Variants in DOK5 observed in about 807,000 individuals in gnomAD.
DOK5 encodes downstream of tyrosine kinase 5.
A neutral mutation model predicts 43.3 loss-of-function variants in DOK5; 27 were observed. That is an observed-to-expected ratio of 0.62 (90% CI 0.46 to 0.86). The LOEUF is 0.86. DOK5 is among the 40% of genes least tolerant of loss of function. DOK5 has a pLI of 0.00. For synonymous variants in DOK5, 146 were observed against 140.1 expected (o/e 1.04, Z -0.30); for missense variants, 373 against 392.9 (o/e 0.95, Z 0.43).
intron 6 of DOK5, among the ~76,000 whole-genome samples, chr20:54,641,586 TCTCCA>T (rs1257102518): frequency 9.2e-5 from 14 of 151,422 alleles, no homozygotes; most frequent in African/African-American, 3.4e-4. Flanking sequence ...ATCATCTCCA[TCTCCA>T]TTTTTCCCCT....
chr20:54,617,905 T>A (rs190560553), intron 6 of DOK5, among the ~76,000 whole-genome samples: 63 of 152,366 alleles, frequency 4.1e-4, no homozygotes, highest in African/African-American at 1.5e-3. Context: ...TCAGGCCTCC[T>A]ACAATATAGC....
chr20:54,623,220 C>T (rs1987039629), intron 6 of DOK5, among the ~76,000 whole-genome samples: 1 of 152,118 alleles, frequency 6.6e-6, no homozygotes, highest in East Asian at 1.9e-4. Context: ...GGATAGAGGC[C>T]AGGAGTGCTG....
At chr20:54,535,342 C>T (rs1983926117) in intron 1 of DOK5, among the ~76,000 whole-genome samples, 1 of 151,846 alleles carries the variant, frequency 6.6e-6, no homozygotes, top group Non-Finnish European at 1.5e-5. Flanking sequence ...ATTTCTCTTC[C>T]CTTCTTTGAG....
At chr20:54,612,890 T>C (rs142099935) in intron 6 of DOK5, among the ~76,000 whole-genome samples, 32 of 152,326 alleles carry the variant, frequency 2.1e-4, no homozygotes, top group African/African-American at 7.7e-4. Context: ...AGAACAAAGT[T>C]CTTGATATCC....
At chr20:54,542,665 C>A (rs1984205895) in intron 1 of DOK5, among the ~76,000 whole-genome samples, 1 of 152,104 alleles carries the variant, frequency 6.6e-6, no homozygotes, top group South Asian at 2.1e-4. Flanking sequence ...ACGAAAAACA[C>A]ATACTACAGG....
chr20:54,485,402 A>G (rs1437741467), intron 1 of DOK5, among the ~76,000 whole-genome samples: 1 of 151,924 alleles, frequency 6.6e-6, no homozygotes, highest in Non-Finnish European at 1.5e-5. Flanking sequence ...TACAGTATGT[A>G]ATGTTTGGGG....
intron 6 of DOK5, among the ~76,000 whole-genome samples, chr20:54,637,149 T>C (rs1317012400): frequency 1.3e-5 from 2 of 151,700 alleles, no homozygotes; most frequent in East Asian, 3.8e-4. Flanking sequence ...CTTCTGCTTC[T>C]ACATTGTAAC....
At chr20:54,492,366 C>T (rs912777602) in intron 1 of DOK5, among the ~76,000 whole-genome samples, 15 of 151,990 alleles carry the variant, frequency 9.9e-5, no homozygotes, top group Admixed American at 2.6e-4. Context: ...TCCCTTTTAA[C>T]GTATGTTGAA....
chr20:54,518,081 T>A (rs796667241), intron 1 of DOK5, among the ~76,000 whole-genome samples: 1 of 152,192 alleles, frequency 6.6e-6, no homozygotes, highest in African/African-American at 2.4e-5. Flanking sequence ...CATAGCATTC[T>A]CAGTTGCCCC....
chr20:54,519,086 G>A (rs188135079), intron 1 of DOK5, among the ~76,000 whole-genome samples: 265 of 152,272 alleles, frequency 1.7e-3, no homozygotes, highest in African/African-American at 6.1e-3. Flanking sequence ...AGAAATAGGA[G>A]CACTTTTACA....
In DOK5 at chr20:54,615,347, G is replaced by A. The variant is rs1212638553; in HGVS notation, c.735+4824G>A. 2.0e-5 allele frequency among the ~76,000 whole-genome samples: 3 copies of A among 152,124 alleles called. No homozygotes were observed. In the South Asian group the frequency reaches 6.2e-4, roughly 32 times the overall value. On this transcript the variant is annotated intron_variant, in intron 6 of 7. Transcript: ENST00000262593. ...GCAGTCTGTGAATGTTACCTTACAA[G>A]GCAAAAGGGACTTTGCAGGTGTGAT...
chr20:54,484,698 C>T (rs1452700480), intron 1 of DOK5, among the ~76,000 whole-genome samples: 3 of 152,146 alleles, frequency 2.0e-5, no homozygotes, highest in Admixed American at 6.6e-5. Flanking sequence ...TTCCTTTTGT[C>T]ATTTTGTCAT....
At chr20:54,526,743 G>A (rs1380485174) in intron 1 of DOK5, among the ~76,000 whole-genome samples, 1 of 152,010 alleles carries the variant, frequency 6.6e-6, no homozygotes, top group African/African-American at 2.4e-5. Flanking sequence ...TTATATACAT[G>A]GCTGTGTCTG....
At chr20:54,512,534 TG>T (rs1158661191) in intron 1 of DOK5, among the ~76,000 whole-genome samples, 2 of 152,164 alleles carry the variant, frequency 1.3e-5, no homozygotes, top group Non-Finnish European at 2.9e-5. Context: ...CAGCCTACAG[TG>T]GGCCTAATTA....
At chr20:54,565,714 C>G (rs184172973) in intron 2 of DOK5, among the ~76,000 whole-genome samples, 31 of 152,208 alleles carry the variant, frequency 2.0e-4, no homozygotes, top group African/African-American at 7.5e-4. Context: ...GTTCTTGTAT[C>G]CATCACCACA....
intron 2 of DOK5, among the ~76,000 whole-genome samples, chr20:54,562,477 G>T (rs1479279319): frequency 1.3e-5 from 2 of 152,134 alleles, no homozygotes; most frequent in African/African-American, 2.4e-5. Context: ...AGAGTGCAGT[G>T]GTGCTATCTT....
At chr20:54,610,852 A>T (rs957103472) in intron 6 of DOK5, among the ~76,000 whole-genome samples, 1 of 152,212 alleles carries the variant, frequency 6.6e-6, no homozygotes, top group African/African-American at 2.4e-5. Context: ...GTTATTTCAA[A>T]TGTCAACAGG....
intron 7 of DOK5, among the ~76,000 whole-genome samples, chr20:54,647,205 A>G (rs1315805890): frequency 6.6e-6 from 1 of 152,148 alleles, no homozygotes; most frequent in Non-Finnish European, 1.5e-5. Context: ...CATTGGAAGT[A>G]GGTTTATAAT....
chr20:54,628,132 A>G (rs1370040362), intron 6 of DOK5, among the ~76,000 whole-genome samples: 1 of 152,226 alleles, frequency 6.6e-6, no homozygotes, highest in Non-Finnish European at 1.5e-5. Context: ...TGTTAGCACT[A>G]TATGTTCACA....
Sources: allele counts gnomAD v4.1 joint callset (sites outside exome capture counted in the v4.1 genomes callset), GRCh38; gene constraint gnomAD v4.1.1; transcripts MANE v1.5; gene names NCBI Gene and HGNC (gene_info 2026-07-23, HGNC 2026-07-21).